The following STAB2 variants were observed in gnomAD, a reference collection of about 807,000 sequenced individuals.
The protein encoded by STAB2 is stabilin-2.
A neutral mutation model predicts 338.1 loss-of-function variants in STAB2; 288 were observed. That is an observed-to-expected ratio of 0.85 (90% CI 0.77 to 0.94). The LOEUF (loss-of-function observed/expected upper bound fraction) is 0.94, where lower values mean the gene tolerates loss of function less well. Among genes scored for constraint, STAB2 ranks in the 40% least tolerant of loss-of-function variants. The pLI, the probability that STAB2 is intolerant of heterozygous loss-of-function variation, is 0.00. For missense variants in STAB2, 3,141 were observed against 3,210.1 expected, an observed-to-expected ratio of 0.98 and a Z score of 0.52; for synonymous variants, 1,202 against 1,193.3, an observed-to-expected ratio of 1.01 and a Z score of -0.15.
rs1195066033 is a variant in STAB2, at chr12:103,758,257, G to A, written c.7075G>A (p.Val2359Met). ...TDLSIRGTLF[V>M]PQNSGLGENE... The stretch of plus-strand genomic sequence containing the variant: ...CCTGTCCATCCGCGGCACCCTCTTT[G>A]TGCCACAGAACAGTGGGCTGGGGGA... Residue 2359 changes from valine to methionine, a missense_variant, in exon 64 of 69, where the codon GTG (valine) becomes ATG (methionine). Physicochemically the swap from Val to Met is conservative, Grantham distance 21 (BLOSUM62 1). Coordinates refer to ENST00000388887, the MANE Select transcript of STAB2 (RefSeq NM_017564.10). 3.7e-6 allele frequency: 6 copies of A among 1,613,938 alleles called. No homozygotes were observed. The highest frequency in any genetic ancestry group is 1.6e-4 in the Middle Eastern group (1 of 6,084).
At chr12:103,763,305 T>C (rs1250864135) in intron 67 of STAB2, 187 bp from the exon 68 acceptor site, 13 of 618,494 alleles carry the variant, frequency 2.1e-5, no homozygotes, top group Non-Finnish European at 3.8e-5. Flanking sequence ...CAGACATCGG[T>C]AAGATGTCAC....
At chr12:103,609,450 T>C (rs938846349) in intron 3 of STAB2, among the ~76,000 whole-genome samples, 8 of 152,240 alleles carry the variant, frequency 5.3e-5, no homozygotes, top group African/African-American at 1.7e-4. Flanking sequence ...TTTGAAGCAA[T>C]TGTGAATGGG....
intron 25 of STAB2, among the ~76,000 whole-genome samples, chr12:103,679,543 T>C (rs1487982602): frequency 6.6e-6 from 1 of 152,048 alleles, no homozygotes; most frequent in African/African-American, 2.4e-5. Flanking sequence ...CATGTCTATT[T>C]ACAGCTAGGG....
chr12:103,691,944 C>G (rs1237971813), intron 30 of STAB2, among the ~76,000 whole-genome samples: 2 of 152,078 alleles, frequency 1.3e-5, no homozygotes, highest in Non-Finnish European at 2.9e-5. Context: ...TTACTTAGCC[C>G]CATTTCTTAT....
At chr12:103,676,883 A>G (rs1035757879) in intron 24 of STAB2, among the ~76,000 whole-genome samples, 3 of 152,168 alleles carry the variant, frequency 2.0e-5, no homozygotes, top group Non-Finnish European at 4.4e-5. Flanking sequence ...TGAGGATAAA[A>G]TCTAGATGAA....
intron 33 of STAB2, among the ~76,000 whole-genome samples, chr12:103,697,392 A>T (rs1420040171): frequency 1.3e-5 from 2 of 152,204 alleles, no homozygotes; most frequent in Admixed American, 1.3e-4. Context: ...CCATTTCTTT[A>T]ACCTCTTCAG....
At chr12:103,759,092 T>C (rs1884348058) in intron 64 of STAB2, 41 bp from the exon 65 acceptor site, 1 of 1,614,006 alleles carries the variant, frequency 6.2e-7, no homozygotes, top group Non-Finnish European at 8.5e-7. Flanking sequence ...AAATATTGCT[T>C]GGCCTTTGAA....
At chr12:103,661,217 CAAAAA>C (rs10548393) in intron 17 of STAB2, among the ~76,000 whole-genome samples, 7 of 106,092 alleles carry the variant, frequency 6.6e-5, no homozygotes, top group Non-Finnish European at 5.8e-5. Flanking sequence ...GAGTTCCAGA[CAAAAA>C]AAAAAAAAAA....
At chr12:103,627,149 G>T (rs903221803) in intron 5 of STAB2, among the ~76,000 whole-genome samples, 9 of 152,166 alleles carry the variant, frequency 5.9e-5, no homozygotes, top group African/African-American at 2.2e-4. Context: ...CTATTATGGG[G>T]GCAGAGGCAG....
intron 18 of STAB2, among the ~76,000 whole-genome samples, 167 bp downstream of exon 18, chr12:103,663,165 C>T (rs896016706): frequency 6.6e-6 from 1 of 152,192 alleles, no homozygotes; most frequent in Non-Finnish European, 1.5e-5. Context: ...TGAAGTCCCA[C>T]CTCATAAACT....
chr12:103,762,479 G>T, intron 67 of STAB2, 77 bp downstream of exon 67: 2 of 1,602,880 alleles, frequency 1.2e-6, no homozygotes, highest in Non-Finnish European at 1.7e-6. Context: ...TGCTTCAGTC[G>T]GTGGCTGCGC....
chr12:103,699,320 C>T, intron 34 of STAB2, 93 bp downstream of exon 34: 2 of 1,466,940 alleles, frequency 1.4e-6, no homozygotes, highest in Non-Finnish European at 1.8e-6. Context: ...TGTCATCCTT[C>T]ATCACTTCTG....
chr12:103,660,369 T>C lies in STAB2; in HGVS notation c.1773T>C (p.Ile591=), dbSNP rs944006258. The part of the protein sequence containing the change: ...RKLLELVRYH[I]VPFTQLEVAT... ...TTCTGGAACTCGTCAGATACCACATTGTCCCATTTACCCAGGTTGGCCCCA... is the reference window on the plus strand; with the variant it reads ...TTCTGGAACTCGTCAGATACCACATCGTCCCATTTACCCAGGTTGGCCCCA... Residue 591 remains isoleucine (I), a synonymous_variant, in exon 16 of 69, where the codon ATT becomes ATC. Coordinates refer to ENST00000388887, the MANE Select transcript of STAB2 (RefSeq NM_017564.10). The C allele has an allele frequency of 7.4e-6, 12 of 1,614,116 alleles. No individual in the cohort carries two copies. In the Admixed American group the frequency reaches 8.3e-5, roughly 11 times the overall value.
intron 34 of STAB2, 95 bp from the exon 35 acceptor site, chr12:103,703,053 C>T (rs1879042094): frequency 7.4e-7 from 1 of 1,353,022 alleles, no homozygotes; most frequent in Admixed American, 2.4e-5. Flanking sequence ...TGTAATATCT[C>T]CTAGGCAATT....
chr12:103,673,769 C>T (rs1876058706), intron 22 of STAB2, 138 bp from the exon 23 acceptor site: 1 of 921,414 alleles, frequency 1.1e-6, no homozygotes, highest in Non-Finnish European at 1.6e-6. Context: ...AAGTCTTCTC[C>T]CGGCTCAGCC....
chr12:103,737,623 T>TTTTTG lies in STAB2; in HGVS notation c.5551-10_5551-9insTTTGT. 6.8e-7 allele frequency: 1 copy of TTTTTG among 1,460,526 alleles called. No individual in the cohort carries two copies. The highest frequency in any genetic ancestry group is 9.0e-7 in the Non-Finnish European group (1 of 1,109,608). The allele number at this position is 1,460,526 out of a possible 1,614,324, so 90.5% of individuals were successfully genotyped here. On this transcript the variant is annotated splice_polypyrimidine_tract_variant and intron_variant, in intron 52 of 68. Transcript: ENST00000388887. Reference sequence around the variant, plus strand: ...CTCTTTCTCTTTTTTTTTTTTTTTTTTCTTTCTTAGGGTGACCTCTTTCTG... The same window carrying TTTTTG: ...CTCTTTCTCTTTTTTTTTTTTTTTTTTTTTGTCTTTCTTAGGGTGACCTCTTTCTG...
At chr12:103,673,634 C>T (rs78129054) in intron 22 of STAB2, among the ~76,000 whole-genome samples, 3,888 of 152,348 alleles carry the variant, frequency 0.026, 101 homozygotes, top group East Asian at 0.15. Flanking sequence ...CAGGCATGAG[C>T]CACCATGCTC....
chr12:103,706,552 C>T (rs561332494), intron 37 of STAB2, among the ~76,000 whole-genome samples: 3 of 152,278 alleles, frequency 2.0e-5, no homozygotes, highest in East Asian at 3.9e-4. Context: ...CTCTGACATG[C>T]CTTTTTCCTT....
At chr12:103,648,219 G>A (rs1403610934) in intron 9 of STAB2, among the ~76,000 whole-genome samples, 1 of 152,202 alleles carries the variant, frequency 6.6e-6, no homozygotes, top group Non-Finnish European at 1.5e-5. Context: ...TCTGAAAGAA[G>A]TGGCAATTGA....
Sources: gnomAD v4.1 joint callset for allele counts (sites outside exome capture counted in the v4.1 genomes callset) on GRCh38, gnomAD v4.1.1 for gene constraint, MANE v1.5 for transcripts, NCBI Gene and HGNC (gene_info 2026-07-23, HGNC 2026-07-21) for gene names.